RNF180: variants seen among roughly 807,000 people sequenced by gnomAD.
RNF180 encodes E3 ubiquitin-protein ligase RNF180.
In RNF180, 38 loss-of-function variants were observed where a neutral mutation model predicts 59.2. The ratio of observed to expected loss-of-function variants is 0.64; its 90% CI spans 0.50 to 0.84. RNF180 has a LOEUF of 0.84. Ranked by LOEUF, RNF180 falls within the 40% of genes least tolerant of loss-of-function variation. The pLI is 0.00. For missense variants in RNF180, 705 were observed against 700.9 expected, an observed-to-expected ratio of 1.01 and a Z score of -0.07; for synonymous variants, 262 against 240.3, an observed-to-expected ratio of 1.09 and a Z score of -0.84.
chr5:64,293,091 CA>C (rs1246437735), intron 5 of RNF180, among the ~76,000 whole-genome samples: 1 of 152,168 alleles, frequency 6.6e-6, no homozygotes, highest in East Asian at 1.9e-4. Context: ...GCTGGAATTC[CA>C]AACCAGTGGG....
intron 1 of RNF180, among the ~76,000 whole-genome samples, chr5:64,197,929 G>A (rs1334599383): frequency 6.6e-6 from 1 of 152,150 alleles, no homozygotes; most frequent in East Asian, 1.9e-4. Flanking sequence ...GTAAATTCAA[G>A]GTGTTCCTTA....
chr5:64,369,563 C>A, intron 7 of RNF180, 52 bp from the exon 8 acceptor site: 2 of 1,165,394 alleles, frequency 1.7e-6, no homozygotes, highest in Non-Finnish European at 2.3e-6. Flanking sequence ...AGCTTCTTTT[C>A]TGAGCACTAG....
At chr5:64,274,021 T>C (rs577726736) in intron 5 of RNF180, among the ~76,000 whole-genome samples, 144 of 152,034 alleles carry the variant, frequency 9.5e-4, no homozygotes, top group Admixed American at 2.0e-3. Flanking sequence ...CAGAGCATTA[T>C]GTGAAAGAGA....
chr5:64,289,327 A>G (rs76398282), intron 5 of RNF180, among the ~76,000 whole-genome samples: 1 of 152,180 alleles, frequency 6.6e-6, no homozygotes, highest in South Asian at 2.1e-4. Flanking sequence ...ATTAATGTTC[A>G]TCAGAGATAT....
chr5:64,349,569 CTA>C (rs1227909651), intron 7 of RNF180, among the ~76,000 whole-genome samples: 1 of 151,974 alleles, frequency 6.6e-6, no homozygotes, highest in Non-Finnish European at 1.5e-5. Context: ...TCCTAATATG[CTA>C]TCTCTCCCCC....
intron 5 of RNF180, among the ~76,000 whole-genome samples, chr5:64,256,375 G>C (rs1014289742): frequency 1.1e-4 from 17 of 152,114 alleles, no homozygotes; most frequent in Non-Finnish European, 1.9e-4. Context: ...ATGAATTTTT[G>C]TATAAGGTGT....
intron 5 of RNF180, among the ~76,000 whole-genome samples, chr5:64,249,341 G>A (rs1262645133): frequency 6.6e-6 from 1 of 152,146 alleles, no homozygotes; most frequent in East Asian, 1.9e-4. Flanking sequence ...AACTTGTAAG[G>A]GAGTTTCCAT....
chr5:64,365,117 T>C (rs1746397527), intron 7 of RNF180, among the ~76,000 whole-genome samples: 3 of 151,756 alleles, frequency 2.0e-5, no homozygotes, highest in Admixed American at 1.3e-4. Flanking sequence ...GTTGGTTTGC[T>C]CTTGCTTCTC....
At position 64,192,903 on chromosome 5, in the gene RNF180, G is replaced by GTATATATATATATATATATATATATATA. The variant is rs70983610; in HGVS notation, c.1-7896_1-7869dup. Among the ~76,000 whole-genome samples, 28 of 93,876 alleles carry GTATATATATATATATATATATATATATA rather than the reference G, an allele frequency of 3.0e-4. 1 individual carries two copies. The highest frequency in any genetic ancestry group is 7.9e-4 in the African/African-American group (19 of 24,126). The allele number at this position is 93,876 out of a possible 152,430, so 61.6% of individuals were successfully genotyped here. On this transcript the variant is annotated intron_variant, in intron 1 of 7. Transcript: ENST00000389100. The stretch of plus-strand genomic sequence containing the variant: ...TGAATGCATGCAGAAAGTGTGGCAT[G>GTATATATATATATATATATATATATATA]TATATATATATATATATATATATAT...
At chr5:64,219,578 G>A (rs1304093721) in intron 5 of RNF180, among the ~76,000 whole-genome samples, 7 of 151,852 alleles carry the variant, frequency 4.6e-5, no homozygotes, top group African/African-American at 1.2e-4. Flanking sequence ...GCAGTGGCGC[G>A]ATCTCAGCTC....
chr5:64,241,573 A>G (rs986148431), intron 5 of RNF180, among the ~76,000 whole-genome samples: 1 of 152,176 alleles, frequency 6.6e-6, no homozygotes, highest in Non-Finnish European at 1.5e-5. Flanking sequence ...CTTAACTAAT[A>G]CAAAAGTCTT....
At chr5:64,253,858 C>A (rs984874363) in intron 5 of RNF180, among the ~76,000 whole-genome samples, 3 of 152,014 alleles carry the variant, frequency 2.0e-5, no homozygotes, top group African/African-American at 7.3e-5. Context: ...ATGTGGTAGT[C>A]TAAGAGATCA....
At chr5:64,228,892 A>G (rs187150640) in intron 5 of RNF180, among the ~76,000 whole-genome samples, 11 of 149,592 alleles carry the variant, frequency 7.4e-5, no homozygotes, top group Admixed American at 5.3e-4. Flanking sequence ...ATGATAATCC[A>G]TGACCAAAAC....
At chr5:64,246,377 G>A (rs1029590237) in intron 5 of RNF180, among the ~76,000 whole-genome samples, 4 of 151,954 alleles carry the variant, frequency 2.6e-5, no homozygotes, top group African/African-American at 9.7e-5. Context: ...GACTAATAAA[G>A]AAGAAAAGAC....
intron 5 of RNF180, among the ~76,000 whole-genome samples, chr5:64,268,539 C>G (rs921988195): frequency 2.6e-5 from 4 of 152,106 alleles, no homozygotes; most frequent in Non-Finnish European, 5.9e-5. Context: ...ATTGACATTT[C>G]TAATACTACC....
chr5:64,327,736 T>A (rs1181970544), intron 6 of RNF180, among the ~76,000 whole-genome samples: 2 of 152,312 alleles, frequency 1.3e-5, no homozygotes, highest in African/African-American at 2.4e-5. Context: ...GAAAGGAGTG[T>A]GTAATCTACT....
rs569542757 is a variant in RNF180 at position 64,232,299 on chromosome 5, G to T, written c.1227+14903G>T. Among the ~76,000 whole-genome samples, 7 of 152,264 alleles carry T rather than the reference G, an allele frequency of 4.6e-5. No individual in the cohort carries two copies. The South Asian group carries it at 1.2e-3, about 27-fold the overall frequency. ...CAGTGGTTCTCAAATGTTCATCTGT[G>T]GACCAGCTGCATCAGAATCACTAGG... is the stretch of plus-strand genomic sequence containing the variant. On this transcript the variant is annotated intron_variant, in intron 5 of 7. Coordinates refer to ENST00000389100, the MANE Select transcript of RNF180 (RefSeq NM_001113561.2).
At position 64,214,473 on chromosome 5, in the gene RNF180, C is replaced by A; in HGVS notation, c.1147C>A (p.Leu383Ile). ...NKRERSKLKN[L>I]RRKQRRRERW... is the part of the protein sequence containing the mutation. ...GAGAGAAAGGAGCAAGTTGAAGAAT[C>A]TAAGAAGGAAACAACGAAGGCGTGA... Residue 383 changes from leucine (L) to isoleucine (I), a missense_variant, in exon 4 of 8, where the codon CTA becomes ATA. Leu to Ile is a conservative substitution (Grantham distance 5, BLOSUM62 2). Coordinates refer to ENST00000389100, the MANE Select transcript of RNF180 (RefSeq NM_001113561.2). 1 of 1,613,754 alleles carries A rather than the reference C, an allele frequency of 6.2e-7. No individual in the cohort carries two copies. The highest frequency in any genetic ancestry group is 2.2e-5 in the East Asian group (1 of 44,880).
intron 5 of RNF180, among the ~76,000 whole-genome samples, chr5:64,251,444 T>G (rs1477898326): frequency 6.6e-6 from 1 of 152,196 alleles, no homozygotes; most frequent in Non-Finnish European, 1.5e-5. Context: ...AATTAATTAA[T>G]TTTTAGAGGT....
Sources: gnomAD v4.1 joint callset for allele counts (sites outside exome capture counted in the v4.1 genomes callset) on GRCh38, gnomAD v4.1.1 for gene constraint, MANE v1.5 for transcripts, NCBI Gene and HGNC (gene_info 2026-07-23, HGNC 2026-07-21) for gene names.